Variants in GKAP1 observed in about 807,000 individuals in gnomAD.
GKAP1 encodes the protein G kinase anchoring protein 1.
GKAP1 carries 31 observed loss-of-function variants against 56.7 expected under a neutral mutation model. The observed-to-expected ratio is 0.55, with a 90% confidence interval of 0.41 to 0.74. The LOEUF is 0.74. GKAP1 is among the 30% of genes least tolerant of loss of function. GKAP1 has a pLI of 0.00. For missense variants in GKAP1, 364 were observed against 402.3 expected (o/e 0.90, Z 0.82); for synonymous variants, 151 against 138.6 (o/e 1.09, Z -0.63).
chr9:83,780,330 T>A, intron 7 of GKAP1, 52 bp downstream of exon 7: 1 of 1,067,524 alleles, frequency 9.4e-7, no homozygotes, highest in Non-Finnish European at 1.4e-6. Context: ...TATTTAAGTA[T>A]TATTCTTAAA....
At position 83,768,879 on chromosome 9, in the gene GKAP1, C is replaced by G; in HGVS notation, c.677G>C (p.Arg226Pro). The stretch of plus-strand genomic sequence containing the variant: ...ATTATATTCTGTAAGCTGTTCTCTT[C>G]GTTTTTCTCTAATAAGAATTTTATG... Reference protein sequence around the residue: ...DVHKILIREKRREQLTEYNGT... With the variant: ...DVHKILIREKPREQLTEYNGT... The change falls in exon 8 of 13, where the codon CGA (arginine) becomes CCA (proline). Residue 226 changes from arginine (R) to proline (P), a missense_variant. By Grantham distance (103) the Arg-to-Pro change is moderately radical. Transcript: ENST00000376371. 6.2e-7 allele frequency: 1 copy of G among 1,612,152 alleles called. No individual in the cohort carries two copies. Among genetic ancestry groups the G allele is most frequent in the South Asian group, 1.1e-5 (1 of 91,024 alleles).
At chr9:83,743,264 T>C (rs1206251964) in intron 10 of GKAP1, among the ~76,000 whole-genome samples, 4 of 152,104 alleles carry the variant, frequency 2.6e-5, no homozygotes, top group Non-Finnish European at 4.4e-5. Flanking sequence ...ATTTCACATA[T>C]GGAAAAAACT....
At chr9:83,783,156 G>C (rs1944005710) in intron 6 of GKAP1, among the ~76,000 whole-genome samples, 1 of 151,986 alleles carries the variant, frequency 6.6e-6, no homozygotes, top group Non-Finnish European at 1.5e-5. Flanking sequence ...TTTTCTTTTT[G>C]AAATTATTGC....
intron 8 of GKAP1, among the ~76,000 whole-genome samples, chr9:83,759,675 C>T (rs1042748866): frequency 6.6e-6 from 1 of 152,042 alleles, no homozygotes; most frequent in Non-Finnish European, 1.5e-5. Flanking sequence ...TAAGGTCATG[C>T]CCATTATCTT....
At chr9:83,742,771 T>C (rs1943229906) in intron 10 of GKAP1, among the ~76,000 whole-genome samples, 171 bp from the exon 11 acceptor site, 1 of 152,248 alleles carries the variant, frequency 6.6e-6, no homozygotes, top group African/African-American at 2.4e-5. Flanking sequence ...GTAAATTCTT[T>C]TTTGTTTGTT....
intron 2 of GKAP1, among the ~76,000 whole-genome samples, chr9:83,810,524 T>C (rs1944493400): frequency 2.0e-5 from 3 of 152,226 alleles, no homozygotes; most frequent in Admixed American, 1.3e-4. Context: ...TTCCATCTAG[T>C]TCAGTACAGA....
chr9:83,812,513 A>G (rs993146877), intron 2 of GKAP1, among the ~76,000 whole-genome samples: 9 of 150,896 alleles, frequency 6.0e-5, no homozygotes, highest in African/African-American at 2.2e-4. Flanking sequence ...ATGCCTGGCT[A>G]ATTTTTTGCA....
chr9:83,753,358 T>G lies in GKAP1; in HGVS notation c.740A>C (p.Glu247Ala), dbSNP rs756402281. Reference sequence around the variant, plus strand: ...AATTCTTCCATCTTTCAGAACCACTTCCTGAAAAGAGAGAAACAACACTTT... The same window carrying G: ...AATTCTTCCATCTTTCAGAACCACTGCCTGAAAAGAGAGAAACAACACTTT... ...DNCTAHEHNQEVVLKDGRIER... is the reference protein window; with the variant it reads ...DNCTAHEHNQAVVLKDGRIER... The change falls in exon 9 of 13, where the codon GAA becomes GCA. Residue 247 changes from glutamate to alanine, a missense_variant and splice_region_variant. Glu to Ala is a moderately radical substitution (Grantham distance 107). Transcript: ENST00000376371. 1 of 1,558,770 alleles carries G rather than the reference T, an allele frequency of 6.4e-7. No individual in the cohort carries two copies. The highest frequency in any genetic ancestry group is 1.1e-5 in the South Asian group (1 of 89,814).
At chr9:83,796,085 T>C (rs1330971511) in intron 4 of GKAP1, among the ~76,000 whole-genome samples, 1 of 152,178 alleles carries the variant, frequency 6.6e-6, no homozygotes, top group Admixed American at 6.5e-5. Context: ...CAAGCTTAGA[T>C]TTTATCAAAA....
Position 83,774,989 on chromosome 9 carries a change from G to T in GKAP1, c.585+5393C>A, listed in dbSNP as rs564222274. 3.5e-4 allele frequency among the ~76,000 whole-genome samples: 51 copies of T among 146,828 alleles called. 2 individuals carry two copies. The South Asian group carries it at 0.01, about 30-fold the overall frequency. On this transcript the variant is annotated intron_variant, in intron 7 of 12. Transcript: ENST00000376371. Reference sequence around the variant, plus strand: ...CCCAAAGTGCTGGGATTACAGGGGTGACCCACCGCGCCCGGCCCCTTCTTT... The same window carrying T: ...CCCAAAGTGCTGGGATTACAGGGGTTACCCACCGCGCCCGGCCCCTTCTTT...
intron 8 of GKAP1, among the ~76,000 whole-genome samples, chr9:83,766,836 G>A (rs10780633): frequency 0.56 from 85,754 of 151,990 alleles, 24,791 homozygotes; most frequent in Admixed American, 0.7. Context: ...AGTGTTTTTA[G>A]AAATACCTTT....
chr9:83,763,333 CA>C (rs1159955205), intron 8 of GKAP1, among the ~76,000 whole-genome samples: 1 of 151,982 alleles, frequency 6.6e-6, no homozygotes, highest in Admixed American at 6.6e-5. Flanking sequence ...TTAATTGGTA[CA>C]AAAAAGTTAG....
At chr9:83,788,068 A>G (rs1197877985) in intron 5 of GKAP1, among the ~76,000 whole-genome samples, 2 of 152,208 alleles carry the variant, frequency 1.3e-5, no homozygotes, top group Non-Finnish European at 2.9e-5. Flanking sequence ...AGCAGAGCTC[A>G]GGAGTTTGAG....
chr9:83,803,003 G>T (rs1293687332), intron 3 of GKAP1, among the ~76,000 whole-genome samples: 1 of 152,026 alleles, frequency 6.6e-6, no homozygotes, highest in African/African-American at 2.4e-5. Flanking sequence ...CAGTTGCTTG[G>T]GAGGCTGAGG....
intron 7 of GKAP1, among the ~76,000 whole-genome samples, chr9:83,778,677 T>TCC: frequency 6.6e-6 from 1 of 151,832 alleles, no homozygotes; most frequent in Non-Finnish European, 1.5e-5. Context: ...AACCTACACA[T>TCC]GTACCCCTGA....
intron 7 of GKAP1, among the ~76,000 whole-genome samples, chr9:83,774,672 C>T (rs1587712381): frequency 7.7e-6 from 1 of 130,554 alleles, no homozygotes; most frequent in African/African-American, 2.8e-5. Flanking sequence ...TTCGGCACAG[C>T]AAAAGAAACT....
intron 8 of GKAP1, among the ~76,000 whole-genome samples, chr9:83,757,877 G>C (rs1024939243): frequency 6.6e-6 from 1 of 151,796 alleles, no homozygotes; most frequent in African/African-American, 2.4e-5. Flanking sequence ...TGGATATCTA[G>C]ATAAAATGAG....
intron 4 of GKAP1, among the ~76,000 whole-genome samples, chr9:83,789,388 C>T (rs1469367430): frequency 1.3e-5 from 2 of 152,102 alleles, no homozygotes; most frequent in Non-Finnish European, 2.9e-5. Context: ...TAGTTGGATG[C>T]GACTTTGAGT....
chr9:83,766,513 A>G (rs758361330), intron 8 of GKAP1, among the ~76,000 whole-genome samples: 1 of 152,232 alleles, frequency 6.6e-6, no homozygotes, highest in Non-Finnish European at 1.5e-5. Context: ...AGTGTTATTT[A>G]TAGACAAACC....
Sources: gnomAD v4.1 joint callset for allele counts (sites outside exome capture counted in the v4.1 genomes callset) on GRCh38, gnomAD v4.1.1 for gene constraint, MANE v1.5 for transcripts, NCBI Gene and HGNC (gene_info 2026-07-23, HGNC 2026-07-21) for gene names.